Variants in GPR155 observed in about 807,000 individuals in gnomAD.
The protein encoded by GPR155 is G protein-coupled receptor 155, also known as lysosomal cholesterol signaling protein.
In GPR155, 65 loss-of-function variants were observed where a neutral mutation model predicts 93.1. The ratio of observed to expected loss-of-function variants is 0.70; its 90% CI spans 0.57 to 0.86. GPR155 has a LOEUF of 0.86. GPR155 is among the 40% of genes least tolerant of loss of function. The pLI is 0.00. For missense variants in GPR155, 838 were observed against 1,034.8 expected (o/e 0.81, Z 2.61); for synonymous variants, 319 against 360.1 (o/e 0.89, Z 1.29).
intron 10 of GPR155, among the ~76,000 whole-genome samples, chr2:174,456,305 T>C (rs950224984): frequency 1.3e-5 from 2 of 150,014 alleles, no homozygotes; most frequent in East Asian, 3.9e-4. Context: ...ATCCTAGGTA[T>C]AATTTTTTTT....
At chr2:174,447,471 G>C (rs1286235031) in intron 11 of GPR155, among the ~76,000 whole-genome samples, 1 of 142,148 alleles carries the variant, frequency 7.0e-6, no homozygotes, top group Non-Finnish European at 1.5e-5. Flanking sequence ...TATATATTAT[G>C]TTATAAATGT....
At chr2:174,449,212 T>TA (rs1001624049) in intron 11 of GPR155, among the ~76,000 whole-genome samples, 8 of 152,138 alleles carry the variant, frequency 5.3e-5, no homozygotes, top group Non-Finnish European at 8.8e-5. Flanking sequence ...GGGCTATTAT[T>TA]AAAAAATCAA....
At position 174,435,261 on chromosome 2, in the gene GPR155, T is replaced by C. The variant is rs1014010878; in HGVS notation, c.*855A>G. 1 of 152,156 alleles carries C rather than the reference T, an allele frequency of 6.6e-6. No homozygotes were observed. The highest frequency in any genetic ancestry group is 1.9e-4 in the East Asian group (1 of 5,200). 9.4% of individuals were successfully genotyped at this position (152,156 alleles called of 1,614,324 possible). A position where few individuals can be genotyped will look rare whatever the true frequency, so the allele number is the denominator to read the frequency against. On this transcript the variant is annotated 3_prime_UTR_variant, in exon 16 of 16. Coordinates refer to ENST00000392552, the MANE Select transcript of GPR155 (RefSeq NM_152529.7). ...TCAATCAACCGCAGATAAAAAGATG[T>C]AGTCAGGCTTAACAATGGTTGCATC...
intron 1 of GPR155, among the ~76,000 whole-genome samples, chr2:174,486,286 G>A (rs923251216): frequency 3.4e-4 from 51 of 152,158 alleles, no homozygotes; most frequent in African/African-American, 1.2e-3. Flanking sequence ...TCCAAGATAA[G>A]GGGCGCAGAG....
At chr2:174,480,447 T>G (rs1379290607) in intron 2 of GPR155, among the ~76,000 whole-genome samples, 2 of 152,218 alleles carry the variant, frequency 1.3e-5, no homozygotes, top group African/African-American at 4.8e-5. Flanking sequence ...CAAGTCCTCA[T>G]ACTTGATAGA....
chr2:174,446,282 G>A (rs1307191498), intron 12 of GPR155, among the ~76,000 whole-genome samples: 4 of 137,266 alleles, frequency 2.9e-5, no homozygotes, highest in Admixed American at 8.1e-5. Flanking sequence ...ACTCCAGCCT[G>A]GGCAACAGAG....
chr2:174,450,782 G>GA (rs1687295437), intron 11 of GPR155, among the ~76,000 whole-genome samples: 1 of 152,058 alleles, frequency 6.6e-6, no homozygotes, highest in Admixed American at 6.6e-5. Context: ...CAAGCTAAAA[G>GA]AAAAAATTTG....
In GPR155 at chr2:174,439,900, T is replaced by G; in HGVS notation, c.2310A>C (p.Arg770Ser). The G allele has an allele frequency of 1.2e-6, 2 of 1,612,570 alleles. No homozygotes were observed. The highest frequency in any genetic ancestry group is 1.7e-6 in the Non-Finnish European group (2 of 1,179,030). ...ACCTGTACTGGCACTTTGCTTACCT[T>G]CTTTCTTTGACAATGTTTCGGATAC... ...DLCIRNIVKE[R>S]RCGAKTSAGT... is the part of the protein sequence containing the mutation. The change falls in exon 15 of 16, where the codon AGA becomes AGC. Residue 770 changes from arginine to serine, a missense_variant and splice_region_variant. By Grantham distance (110) the Arg-to-Ser change is moderately radical. Around this residue, in one of 3 missense-constraint regions of GPR155, gnomAD observed 146 missense variants for 177.5 expected, o/e 0.82. Coordinates refer to ENST00000392552, the MANE Select transcript of GPR155 (RefSeq NM_152529.7).
At chr2:174,466,688 A>G in intron 5 of GPR155, 61 bp from the exon 6 acceptor site, 1 of 854,268 alleles carries the variant, frequency 1.2e-6, no homozygotes. Context: ...TACTTATTAA[A>G]TAACACAATG....
intron 11 of GPR155, among the ~76,000 whole-genome samples, chr2:174,447,921 A>G (rs1285540563): frequency 6.6e-6 from 1 of 151,298 alleles, no homozygotes; most frequent in African/African-American, 2.4e-5. Context: ...CTCAAGTTTT[A>G]TCACTGATAA....
At chr2:174,462,363 T>C (rs1459058228) in intron 7 of GPR155, among the ~76,000 whole-genome samples, 2 of 152,052 alleles carry the variant, frequency 1.3e-5, no homozygotes, top group Non-Finnish European at 2.9e-5. Flanking sequence ...CAGGCTGGAG[T>C]TCAGTGGCAT....
intron 11 of GPR155, among the ~76,000 whole-genome samples, chr2:174,447,875 A>T (rs1687186951): frequency 6.7e-6 from 1 of 149,390 alleles, no homozygotes; most frequent in South Asian, 2.1e-4. Context: ...ATATATTAAA[A>T]TTATATACAT....
At chr2:174,445,965 G>A (rs1438184735) in intron 12 of GPR155, among the ~76,000 whole-genome samples, 1 of 151,576 alleles carries the variant, frequency 6.6e-6, no homozygotes. Context: ...ATCCACTTTG[G>A]TCAGTCAGGT....
intron 14 of GPR155, among the ~76,000 whole-genome samples, 184 bp downstream of exon 14, chr2:174,441,935 A>G (rs1304041990): frequency 1.3e-5 from 2 of 150,866 alleles, no homozygotes; most frequent in Non-Finnish European, 1.5e-5. Context: ...TTTTGTAGAG[A>G]CTAGGTTTCA....
intron 2 of GPR155, among the ~76,000 whole-genome samples, chr2:174,478,910 C>G (rs1688242435): frequency 6.6e-6 from 1 of 151,686 alleles, no homozygotes; most frequent in Non-Finnish European, 1.5e-5. Context: ...TAATAAGTTA[C>G]CTCATCAGGC....
chr2:174,459,746 C>T lies in GPR155; in HGVS notation c.1771+132G>A, dbSNP rs981318158. ...TGTAGTCCTAGCTACTCTGGAGGCT[C>T]AGGTGGCAGAATCGCTTAAACACAG... On this transcript the variant is annotated intron_variant, in intron 10 of 15. Coordinates refer to ENST00000392552, the MANE Select transcript of GPR155 (RefSeq NM_152529.7). 17 of 624,082 alleles carry T rather than the reference C, an allele frequency of 2.7e-5. No homozygotes were observed. The African/African-American group carries it at 2.8e-4, about 10-fold the overall frequency. The allele number at this position is 624,082 out of a possible 1,614,324, so 38.7% of individuals were successfully genotyped here.
intron 10 of GPR155, among the ~76,000 whole-genome samples, chr2:174,454,436 C>T (rs941141853): frequency 2.6e-5 from 4 of 152,052 alleles, no homozygotes; most frequent in African/African-American, 9.7e-5. Context: ...CATGCCCAGC[C>T]GAGGCTAGGA....
chr2:174,469,035 C>T lies in GPR155; in HGVS notation c.1059G>A (p.Val353=), dbSNP rs944372801. Residue 353 remains valine (V), a synonymous_variant, in exon 5 of 16, where the codon GTG becomes GTA. Coordinates refer to ENST00000392552, the MANE Select transcript of GPR155 (RefSeq NM_152529.7). ...ITSGMVISTF[V]SAPIMYVSAW... ...CAGAAACGTACATGATGGGAGCAGA[C>T]ACAAATGTGCTTATCACCATCCCTG... The T allele has an allele frequency of 6.2e-7, 1 of 1,614,042 alleles. No homozygotes were observed.
intron 10 of GPR155, among the ~76,000 whole-genome samples, chr2:174,455,639 G>A (rs933463550): frequency 6.6e-6 from 1 of 152,180 alleles, no homozygotes; most frequent in African/African-American, 2.4e-5. Flanking sequence ...GTCAGGGGGA[G>A]GAGGGGGACC....
Sources: gnomAD v4.1 joint callset for allele counts (sites outside exome capture counted in the v4.1 genomes callset) on GRCh38, gnomAD v4.1.1 for gene constraint, gnomAD v4.1.1 regional missense constraint, MANE v1.5 for transcripts, NCBI Gene and HGNC (gene_info 2026-07-23, HGNC 2026-07-21) for gene names.